Variants in SATL1 observed in about 807,000 individuals in gnomAD.
SATL1 encodes spermidine/spermine N(1)-acetyltransferase-like protein 1.
A neutral mutation model predicts 51.8 loss-of-function variants in SATL1; 47 were observed. That is an observed-to-expected ratio of 0.91 (90% CI 0.72 to 1.16). The LOEUF (loss-of-function observed/expected upper bound fraction) is 1.16, where lower values mean the gene tolerates loss of function less well. SATL1 is among the 50% of genes most tolerant of loss of function. The pLI, the probability that SATL1 is intolerant of heterozygous loss-of-function variation, is 0.00. For synonymous variants in SATL1, 176 were observed against 182.4 expected, an observed-to-expected ratio of 0.97 and a Z score of 0.28; for missense variants, 520 against 526.4, an observed-to-expected ratio of 0.99 and a Z score of 0.12.
rs1290468864 is a variant in SATL1, at chrX:85,183,690, G to A, written c.-313+40515C>T. On this transcript the variant is annotated intron_variant, in intron 2 of 7. Transcript: ENST00000644105. ...CACAGTAGGAGTGTATATTTATGGAGTACAATAGATATTTTGATACAGGCA... is the reference window on the plus strand; with the variant it reads ...CACAGTAGGAGTGTATATTTATGGAATACAATAGATATTTTGATACAGGCA... Among the ~76,000 whole-genome samples the A allele has an allele frequency of 3.6e-5, 4 of 110,983 alleles. No homozygotes were observed. The Admixed American group carries it at 3.8e-4, about 11-fold the overall frequency.
At chrX:85,143,989 A>G (rs1424276465) in intron 2 of SATL1, among the ~76,000 whole-genome samples, 2 of 112,383 alleles carry the variant, frequency 1.8e-5, no homozygotes, top group African/African-American at 6.5e-5. Context: ...AATAAGTGGT[A>G]TAATCATACC....
intron 2 of SATL1, among the ~76,000 whole-genome samples, chrX:85,123,788 C>T (rs12014708): frequency 0.14 from 15,954 of 110,675 alleles, 1,829 homozygotes; most frequent in African/African-American, 0.38. Flanking sequence ...CATTTACCTA[C>T]TCCTGGTTTC....
intron 1 of SATL1, among the ~76,000 whole-genome samples, chrX:85,234,826 CA>C (rs982582007): frequency 9.1e-6 from 1 of 110,470 alleles, no homozygotes; most frequent in East Asian, 2.8e-4. Context: ...AACCAGAAAA[CA>C]AAAAACAAAA....
chrX:85,241,976 G>C (rs890409614), intron 1 of SATL1, among the ~76,000 whole-genome samples: 3 of 111,964 alleles, frequency 2.7e-5, no homozygotes, highest in Non-Finnish European at 3.8e-5. Flanking sequence ...GAACTAGTTA[G>C]CAAGGGGTTG....
chrX:85,159,414 T>C (rs1452645929), intron 2 of SATL1, among the ~76,000 whole-genome samples: 1 of 111,192 alleles, frequency 9.0e-6, no homozygotes, highest in Non-Finnish European at 1.9e-5. Flanking sequence ...TATTGTGAAC[T>C]ACACATGCAA....
intron 1 of SATL1, among the ~76,000 whole-genome samples, chrX:85,230,727 C>G (rs941946179): frequency 1.3e-4 from 14 of 111,815 alleles, no homozygotes; most frequent in Non-Finnish European, 3.8e-5. Context: ...CAAAACAAAG[C>G]AAAAGAACCA....
intron 2 of SATL1, among the ~76,000 whole-genome samples, chrX:85,145,990 G>A (rs373772005): frequency 4.1e-4 from 44 of 107,596 alleles, no homozygotes; most frequent in African/African-American, 1.3e-3. Flanking sequence ...TCCGCCTCCC[G>A]GGTTCACACC....
chrX:85,225,728 T>C (rs1280856309), intron 1 of SATL1, among the ~76,000 whole-genome samples: 1 of 111,793 alleles, frequency 8.9e-6, no homozygotes, highest in Non-Finnish European at 1.9e-5. Context: ...AAAGTTCATA[T>C]GCAAGAAATA....
chrX:85,215,413 G>A (rs1475249888), intron 2 of SATL1, among the ~76,000 whole-genome samples: 2 of 111,863 alleles, frequency 1.8e-5, no homozygotes, highest in Non-Finnish European at 3.8e-5. Context: ...TTCCTCTCCT[G>A]AAAACACTCT....
At chrX:85,217,317 G>A (rs1366415209) in intron 2 of SATL1, among the ~76,000 whole-genome samples, 2 of 111,098 alleles carry the variant, frequency 1.8e-5, no homozygotes, top group African/African-American at 6.6e-5. Context: ...TGGTACAAGA[G>A]GTGGATAAGA....
chrX:85,172,072 A>T (rs1310327124), intron 2 of SATL1, among the ~76,000 whole-genome samples: 1 of 111,526 alleles, frequency 9.0e-6, no homozygotes, highest in Admixed American at 9.6e-5. Flanking sequence ...AAAAAGCAAG[A>T]AAGGAAAATT....
chrX:85,124,729 A>G (rs967556453), intron 2 of SATL1, among the ~76,000 whole-genome samples: 3 of 111,361 alleles, frequency 2.7e-5, no homozygotes, highest in South Asian at 7.6e-4. Flanking sequence ...CCTGAGTTCA[A>G]TGAGAGAACA....
chrX:85,201,984 A>T (rs1927696364), intron 2 of SATL1, among the ~76,000 whole-genome samples: 2 of 111,899 alleles, frequency 1.8e-5, no homozygotes, highest in Non-Finnish European at 3.8e-5. Flanking sequence ...ACACCCAGTA[A>T]TGACATTGAT....
At chrX:85,217,384 A>G (rs1247040902) in intron 2 of SATL1, among the ~76,000 whole-genome samples, 2 of 111,168 alleles carry the variant, frequency 1.8e-5, no homozygotes, top group Non-Finnish European at 3.8e-5. Context: ...GTCAAAAAGT[A>G]GTGGTAGTAA....
chrX:85,166,915 G>GTATATATATATATATATA, intron 2 of SATL1, among the ~76,000 whole-genome samples: 1 of 84,217 alleles, frequency 1.2e-5, no homozygotes, highest in South Asian at 6.2e-4. Flanking sequence ...AGAAAATGGG[G>GTATATATATATATATATA]TATATATATA....
At chrX:85,176,029 G>T (rs1489443696) in intron 2 of SATL1, among the ~76,000 whole-genome samples, 1 of 111,199 alleles carries the variant, frequency 9.0e-6, no homozygotes, top group Non-Finnish European at 1.9e-5. Context: ...ATATTACAAA[G>T]GGCTAATTTT....
chrX:85,103,677 A>C (rs1426560540), intron 4 of SATL1, among the ~76,000 whole-genome samples, 187 bp downstream of exon 4: 2 of 111,797 alleles, frequency 1.8e-5, no homozygotes, highest in African/African-American at 6.5e-5. Flanking sequence ...AAGAGCTCTT[A>C]AGTATCATTT....
Position 85,221,422 on chromosome X carries a change from A to T in SATL1, c.-313+2783T>A, listed in dbSNP as rs368262983. ...TTTAGGTAGTTTAGTAACTTGTGCA[A>T]AGCCCCATAATTAGTGTCAGAGCCC... On this transcript the variant is annotated intron_variant, in intron 2 of 7. Transcript: ENST00000644105. 1.3e-4 allele frequency among the ~76,000 whole-genome samples: 15 copies of T among 112,047 alleles called. No homozygotes were observed. In the East Asian group the frequency reaches 3.4e-3, roughly 25 times the overall value.
At chrX:85,156,447 A>G (rs929580460) in intron 2 of SATL1, 3 of 111,135 alleles carry the variant, frequency 2.7e-5, no homozygotes, top group African/African-American at 9.8e-5. Context: ...CAGATAAACT[A>G]AGTTTACAGA....
Sources: allele counts gnomAD v4.1 joint callset (sites outside exome capture counted in the v4.1 genomes callset), GRCh38; gene constraint gnomAD v4.1.1; transcripts MANE v1.5; gene names NCBI Gene and HGNC (gene_info 2026-07-23, HGNC 2026-07-21).